CPA6: variants seen among roughly 807,000 people sequenced by gnomAD.
CPA6 encodes the protein carboxypeptidase B.
A neutral mutation model predicts 63.3 loss-of-function variants in CPA6; 58 were observed. The observed-to-expected ratio is 0.92, with a 90% CI of 0.74 to 1.14. CPA6 has a LOEUF of 1.14. Ranked by LOEUF, CPA6 falls within the 50% of genes most tolerant of loss-of-function variation. CPA6 has a pLI of 0.00. For missense variants in CPA6, 565 were observed against 526.6 expected (o/e 1.07, Z -0.71); for synonymous variants, 185 against 179.0 (o/e 1.03, Z -0.27).
At chr8:67,520,342 G>A (rs1004560718) in intron 2 of CPA6, among the ~76,000 whole-genome samples, 1 of 152,176 alleles carries the variant, frequency 6.6e-6, no homozygotes, top group Non-Finnish European at 1.5e-5. Flanking sequence ...AAGGCTTGGA[G>A]AAAGCTTCCT....
chr8:67,637,908 G>T (rs1340127540), intron 1 of CPA6, among the ~76,000 whole-genome samples: 2 of 151,266 alleles, frequency 1.3e-5, no homozygotes, highest in African/African-American at 4.9e-5. Flanking sequence ...GAATTTATCT[G>T]CCAGCATAAT....
intron 1 of CPA6, among the ~76,000 whole-genome samples, chr8:67,706,915 T>C (rs1817147871): frequency 6.6e-6 from 1 of 152,196 alleles, no homozygotes; most frequent in Non-Finnish European, 1.5e-5. Context: ...TATAAATGTG[T>C]TATTGGTATG....
At chr8:67,432,701 T>C (rs962304235) in intron 9 of CPA6, among the ~76,000 whole-genome samples, 2 of 152,182 alleles carry the variant, frequency 1.3e-5, no homozygotes, top group African/African-American at 4.8e-5. Flanking sequence ...TGGACTCAAA[T>C]GATCCACCTG....
At chr8:67,577,945 A>G (rs1242918716) in intron 2 of CPA6, among the ~76,000 whole-genome samples, 3 of 152,224 alleles carry the variant, frequency 2.0e-5, no homozygotes, top group Non-Finnish European at 4.4e-5. Flanking sequence ...TTGTTCCCTT[A>G]GAGCAGGATT....
chr8:67,475,863 CTTTCTTTCTTTCTTTCTCCTTT>C (rs1811197175), intron 8 of CPA6, among the ~76,000 whole-genome samples: 8 of 80,752 alleles, frequency 9.9e-5, no homozygotes, highest in Admixed American at 5.8e-4. Flanking sequence ...TTCTTTCTTT[CTTTCTTTCTTTCTTTCTCCTTT>C]CTTTCTTTCT....
chr8:67,494,322 C>T (rs1186616468), intron 6 of CPA6, among the ~76,000 whole-genome samples: 1 of 151,944 alleles, frequency 6.6e-6, no homozygotes, highest in Admixed American at 6.6e-5. Context: ...TCTTTCTTTG[C>T]TTTTATGCTT....
chr8:67,437,594 T>A lies in CPA6; in HGVS notation c.839-3354A>T, dbSNP rs1810190593. Among the ~76,000 whole-genome samples the A allele has an allele frequency of 2.6e-5, 4 of 152,040 alleles. No individual in the cohort carries two copies. In the South Asian group the frequency reaches 8.3e-4, roughly 32 times the overall value. On this transcript the variant is annotated intron_variant, in intron 8 of 10. Transcript: ENST00000297770. The stretch of plus-strand genomic sequence containing the variant: ...TTTACAATAATCCTAACAAATATTC[T>A]CAAGGGCATGTAGGAGGGCACTGGA...
At chr8:67,588,863 G>A (rs944006251) in intron 2 of CPA6, among the ~76,000 whole-genome samples, 1 of 152,178 alleles carries the variant, frequency 6.6e-6, no homozygotes, top group African/African-American at 2.4e-5. Flanking sequence ...GTTGGGGCCA[G>A]GGGTGGTGGC....
chr8:67,714,235 A>C (rs1168924965), intron 1 of CPA6, among the ~76,000 whole-genome samples: 3 of 152,200 alleles, frequency 2.0e-5, no homozygotes, highest in Non-Finnish European at 4.4e-5. Flanking sequence ...GGATTATTCC[A>C]GTGATGAAAA....
At chr8:67,708,830 G>A (rs1249661791) in intron 1 of CPA6, among the ~76,000 whole-genome samples, 1 of 152,154 alleles carries the variant, frequency 6.6e-6, no homozygotes, top group Admixed American at 6.5e-5. Flanking sequence ...AAATATTAGA[G>A]TAGGGAGCTA....
intron 2 of CPA6, among the ~76,000 whole-genome samples, chr8:67,613,551 T>C (rs1377282553): frequency 6.6e-6 from 1 of 152,236 alleles, no homozygotes; most frequent in African/African-American, 2.4e-5. Flanking sequence ...TGCAGGTTAG[T>C]ACAAATGTGG....
chr8:67,746,143 G>A lies in CPA6; in HGVS notation c.-14C>T, dbSNP rs770783757. 101 of 1,598,794 alleles carry A rather than the reference G, an allele frequency of 6.3e-5. 1 individual carries two copies. The Middle Eastern group carries it at 8.4e-4, about 13-fold the overall frequency. ...GAGACACTTCATAGTGTTAAGAAGA[G>A]AGGAGTTGAAAGTTACTTAAGCAGC... is the stretch of plus-strand genomic sequence containing the variant. On this transcript the variant is annotated 5_prime_UTR_variant, in exon 1 of 11. Coordinates refer to ENST00000297770, the MANE Select transcript of CPA6 (RefSeq NM_020361.5).
Position 67,422,408 on chromosome 8 carries a change from TA to T in CPA6, c.*95del. On this transcript the variant is annotated 3_prime_UTR_variant, in exon 11 of 11. Transcript: ENST00000297770. ...TTAAAGTCCATAGACATGTTCACTC[TA>T]AGCAGCTGCCCTTCTCTTTGAAAAC... 1 of 1,074,374 alleles carries T rather than the reference TA, an allele frequency of 9.3e-7. No individual in the cohort carries two copies. The highest frequency in any genetic ancestry group is 1.4e-6 in the Non-Finnish European group (1 of 730,324). 66.6% of individuals were successfully genotyped at this position (1,074,374 alleles called of 1,614,324 possible).
At chr8:67,702,398 C>T (rs181033442) in intron 1 of CPA6, among the ~76,000 whole-genome samples, 3 of 151,584 alleles carry the variant, frequency 2.0e-5, no homozygotes, top group East Asian at 3.9e-4. Flanking sequence ...GCTAGGCAGA[C>T]ATGAGCAGTG....
chr8:67,634,654 T>C (rs1296687995), intron 1 of CPA6, among the ~76,000 whole-genome samples: 1 of 151,512 alleles, frequency 6.6e-6, no homozygotes, highest in Non-Finnish European at 1.5e-5. Context: ...AACCCTTAAA[T>C]TGAGGGGAAG....
At chr8:67,570,455 C>T (rs538482691) in intron 2 of CPA6, among the ~76,000 whole-genome samples, 69 of 152,046 alleles carry the variant, frequency 4.5e-4, no homozygotes, top group East Asian at 1.5e-3. Flanking sequence ...AATTATATTC[C>T]GAGTATGAGG....
At chr8:67,720,027 A>G (rs1192427512) in intron 1 of CPA6, among the ~76,000 whole-genome samples, 1 of 152,108 alleles carries the variant, frequency 6.6e-6, no homozygotes, top group Admixed American at 6.5e-5. Flanking sequence ...AAAGCTTTTA[A>G]TCACCTGGGG....
intron 1 of CPA6, among the ~76,000 whole-genome samples, chr8:67,666,790 C>T (rs1044578807): frequency 4.6e-5 from 7 of 152,080 alleles, no homozygotes; most frequent in African/African-American, 9.7e-5. Context: ...GGGCCAAAAC[C>T]GGGTGACAGG....
chr8:67,454,202 TG>T, intron 8 of CPA6, among the ~76,000 whole-genome samples: 1 of 152,314 alleles, frequency 6.6e-6, no homozygotes. Flanking sequence ...TTAATTTGGG[TG>T]GAAAGAAGAT....
Sources: allele counts gnomAD v4.1 joint callset (sites outside exome capture counted in the v4.1 genomes callset), GRCh38; gene constraint gnomAD v4.1.1; transcripts MANE v1.5; gene names NCBI Gene and HGNC (gene_info 2026-07-23, HGNC 2026-07-21).